SNTG1: variants seen among roughly 807,000 people sequenced by gnomAD.
The protein encoded by SNTG1 is syntrophin gamma 1.
A neutral mutation model predicts 74.7 loss-of-function variants in SNTG1; 39 were observed. The observed-to-expected ratio is 0.52, with a 90% CI of 0.40 to 0.68. The LOEUF is 0.68. Among genes scored for constraint, SNTG1 ranks in the 30% least tolerant of loss-of-function variants. The probability of loss-of-function intolerance (pLI) is 0.00; values close to 1 mark genes in which losing one functional copy is unlikely to be tolerated. For missense variants in SNTG1, 685 were observed against 609.5 expected, an observed-to-expected ratio of 1.12 and a Z score of -1.30; for synonymous variants, 254 against 217.1, an observed-to-expected ratio of 1.17 and a Z score of -1.49.
intron 2 of SNTG1, among the ~76,000 whole-genome samples, chr8:50,342,694 C>T (rs967386501): frequency 6.6e-6 from 1 of 152,048 alleles, no homozygotes; most frequent in African/African-American, 2.4e-5. Flanking sequence ...AACTAAGAAG[C>T]TTGTTAATAG....
Position 50,590,889 on chromosome 8 carries a change from T to G in SNTG1, c.821T>G (p.Ile274Ser). Reference sequence around the variant, plus strand: ...TATTTATCATTGCAGATTAAAAAAATCAACAGAAACTTTCCTGTAAACCAG... The same window carrying G: ...TATTTATCATTGCAGATTAAAAAAAGCAACAGAAACTTTCCTGTAAACCAG... ...SNLTKHNIKK[I>S]NRNFPVNQQI... The change falls in exon 13 of 19, where the codon ATC becomes AGC. Residue 274 changes from isoleucine to serine, a missense_variant. Physicochemically the swap from Ile to Ser is moderately radical, Grantham distance 142. Transcript: ENST00000642720. The G allele has an allele frequency of 6.4e-7, 1 of 1,570,652 alleles. No individual in the cohort carries two copies. The highest frequency in any genetic ancestry group is 1.2e-5 in the South Asian group (1 of 84,672).
At chr8:50,252,346 G>A (rs1445033425) in intron 2 of SNTG1, among the ~76,000 whole-genome samples, 2 of 151,966 alleles carry the variant, frequency 1.3e-5, no homozygotes, top group African/African-American at 4.8e-5. Context: ...TAGTGGAAGG[G>A]AACTAATAAA....
At chr8:50,430,873 A>G (rs1341630199) in intron 4 of SNTG1, among the ~76,000 whole-genome samples, 1 of 152,210 alleles carries the variant, frequency 6.6e-6, no homozygotes, top group African/African-American at 2.4e-5. Flanking sequence ...ATAGTTAGGA[A>G]TCGACATGGA....
chr8:50,646,659 A>C (rs1008766970), intron 13 of SNTG1, among the ~76,000 whole-genome samples: 1 of 152,326 alleles, frequency 6.6e-6, no homozygotes, highest in Middle Eastern at 3.4e-3. Context: ...GTCTTCCAAA[A>C]ACTAGGGACA....
chr8:50,163,087 C>T (rs1192007833), intron 1 of SNTG1, among the ~76,000 whole-genome samples: 1 of 152,142 alleles, frequency 6.6e-6, no homozygotes, highest in African/African-American at 2.4e-5. Context: ...TGGCTAGGTC[C>T]CAGTTCACTC....
intron 2 of SNTG1, among the ~76,000 whole-genome samples, chr8:50,236,431 A>AG (rs1393394689): frequency 1.3e-5 from 2 of 151,200 alleles, no homozygotes; most frequent in Non-Finnish European, 2.9e-5. Flanking sequence ...GAATGTTTAC[A>AG]GAAACTTTTT....
intron 2 of SNTG1, among the ~76,000 whole-genome samples, chr8:50,352,804 T>G (rs368710394): frequency 6.6e-6 from 1 of 152,174 alleles, no homozygotes; most frequent in African/African-American, 2.4e-5. Context: ...CAGAATGCCT[T>G]TATTAAAAGA....
At chr8:50,423,658 G>T (rs10957910) in intron 4 of SNTG1, among the ~76,000 whole-genome samples, 92,065 of 152,048 alleles carry the variant, frequency 0.61, 32,387 homozygotes, top group East Asian at 0.79. Context: ...TATGAAGAAG[G>T]GTAGCTTTCA....
intron 2 of SNTG1, among the ~76,000 whole-genome samples, chr8:50,187,490 T>C (rs549135214): frequency 6.6e-6 from 1 of 152,180 alleles, no homozygotes; most frequent in African/African-American, 2.4e-5. Flanking sequence ...CAAGAAAATG[T>C]TATACTTACA....
At position 50,004,885 on chromosome 8, in the gene SNTG1, A is replaced by G. The variant is rs193080942; in HGVS notation, c.-103+92654A>G. ...ACCAAACCAAAAGCACACAAACCAA[A>G]GCAGAGAAAATGAACAAAGTTGGTG... is the stretch of plus-strand genomic sequence containing the variant. On this transcript the variant is annotated intron_variant, in intron 1 of 18. Transcript: ENST00000642720. Among the ~76,000 whole-genome samples the G allele has an allele frequency of 3.8e-4, 58 of 152,322 alleles. No homozygotes were observed. The East Asian group carries it at 8.7e-3, about 23-fold the overall frequency.
chr8:50,551,351 A>T (rs1468883708), intron 11 of SNTG1, among the ~76,000 whole-genome samples: 1 of 152,156 alleles, frequency 6.6e-6, no homozygotes, highest in African/African-American at 2.4e-5. Flanking sequence ...CCTCAGAATT[A>T]TTCTATGTAG....
chr8:50,440,190 T>G (rs575128872), intron 5 of SNTG1, among the ~76,000 whole-genome samples: 35 of 152,004 alleles, frequency 2.3e-4, no homozygotes, highest in Non-Finnish European at 3.7e-4. Flanking sequence ...ATCAATATCT[T>G]ATATTAGAGT....
At chr8:50,180,056 T>A (rs565368996) in intron 2 of SNTG1, among the ~76,000 whole-genome samples, 2 of 152,322 alleles carry the variant, frequency 1.3e-5, no homozygotes, top group South Asian at 4.1e-4. Flanking sequence ...GATGAATGGA[T>A]AAATAAATTA....
chr8:50,743,422 T>C (rs1473711365), intron 17 of SNTG1, among the ~76,000 whole-genome samples: 1 of 151,782 alleles, frequency 6.6e-6, no homozygotes, highest in African/African-American at 2.4e-5. Context: ...ATCTTCTCAA[T>C]TAATACAGAA....
At chr8:50,620,294 C>A (rs752965557) in intron 13 of SNTG1, among the ~76,000 whole-genome samples, 1 of 152,172 alleles carries the variant, frequency 6.6e-6, no homozygotes, top group Non-Finnish European at 1.5e-5. Context: ...AATCTCTGCT[C>A]ATTTTTCTGT....
At chr8:50,328,380 T>TC (rs2090835204) in intron 2 of SNTG1, among the ~76,000 whole-genome samples, 2 of 152,166 alleles carry the variant, frequency 1.3e-5, no homozygotes, top group African/African-American at 4.8e-5. Flanking sequence ...ATTAGTTTTT[T>TC]TTGATGCTGC....
At chr8:50,656,835 A>T (rs2095184878) in intron 13 of SNTG1, 74 bp from the exon 14 acceptor site, 3 of 930,960 alleles carry the variant, frequency 3.2e-6, no homozygotes, top group Non-Finnish European at 3.3e-6. Context: ...TAATATTTGC[A>T]TCTAAATATT....
intron 13 of SNTG1, among the ~76,000 whole-genome samples, chr8:50,603,549 C>T (rs1370716869): frequency 6.6e-6 from 1 of 151,950 alleles, no homozygotes; most frequent in East Asian, 1.9e-4. Flanking sequence ...GTTATGTTTT[C>T]CTGGATAGTC....
At chr8:50,689,696 G>A (rs187874858) in intron 15 of SNTG1, among the ~76,000 whole-genome samples, 401 of 152,256 alleles carry the variant, frequency 2.6e-3, no homozygotes, top group African/African-American at 9.3e-3. Flanking sequence ...CAAGGATATT[G>A]GTCTAAAATT....
Sources: gnomAD v4.1 joint callset for allele counts (sites outside exome capture counted in the v4.1 genomes callset) on GRCh38, gnomAD v4.1.1 for gene constraint, MANE v1.5 for transcripts, NCBI Gene and HGNC (gene_info 2026-07-23, HGNC 2026-07-21) for gene names.